Variants in ADCY8 observed in about 807,000 individuals in gnomAD.
The protein encoded by ADCY8 is adenylate cyclase 8.
ADCY8 carries 51 observed loss-of-function variants against 119.7 expected under a neutral mutation model. The observed-to-expected ratio is 0.43, with a 90% CI of 0.34 to 0.54. The LOEUF (loss-of-function observed/expected upper bound fraction) is 0.54. ADCY8 is among the 20% of genes least tolerant of loss of function. The probability of loss-of-function intolerance (pLI) is 0.03; values close to 1 mark genes in which losing one functional copy is unlikely to be tolerated. For missense variants in ADCY8, 1,383 were observed against 1,598.8 expected, an observed-to-expected ratio of 0.87 and a Z score of 2.30; for synonymous variants, 665 against 651.0, an observed-to-expected ratio of 1.02 and a Z score of -0.33.
chr8:130,793,539 G>C (rs919765185), intron 15 of ADCY8, among the ~76,000 whole-genome samples: 1 of 152,156 alleles, frequency 6.6e-6, no homozygotes, highest in South Asian at 2.1e-4. Context: ...ATGAGAACAG[G>C]ATTTATGCCT....
intron 2 of ADCY8, among the ~76,000 whole-genome samples, chr8:130,954,122 C>T (rs1013975955): frequency 4.6e-5 from 7 of 152,232 alleles, no homozygotes; most frequent in Admixed American, 2.6e-4. Context: ...TCCACACACA[C>T]TCCAGGACCC....
At chr8:130,789,268 G>T (rs1815351300) in intron 15 of ADCY8, among the ~76,000 whole-genome samples, 1 of 152,146 alleles carries the variant, frequency 6.6e-6, no homozygotes, top group Non-Finnish European at 1.5e-5. Flanking sequence ...TAATGGGCTG[G>T]CTAATCTCAA....
At chr8:130,824,397 G>T (rs1470880792) in intron 12 of ADCY8, among the ~76,000 whole-genome samples, 1 of 152,010 alleles carries the variant, frequency 6.6e-6, no homozygotes, top group Admixed American at 6.6e-5. Flanking sequence ...AACTTAATTA[G>T]CTAGCGAACA....
intron 5 of ADCY8, among the ~76,000 whole-genome samples, chr8:130,910,943 G>GCC (rs5895067): frequency 6.6e-6 from 1 of 151,850 alleles, no homozygotes; most frequent in Admixed American, 6.6e-5. Context: ...AACCTTCATT[G>GCC]CCCCCAAATG....
In ADCY8 at chr8:130,793,484, T is replaced by C. The variant is rs184271819; in HGVS notation, c.3060+6942A>G. ...GTCTATTGTACAACATATTTACTTG[T>C]TATTCTTTTTGATTGTTCTTCACCC... On this transcript the variant is annotated intron_variant, in intron 15 of 17. Transcript: ENST00000286355. Among the ~76,000 whole-genome samples the C allele has an allele frequency of 3.9e-5, 6 of 152,334 alleles. No homozygotes were observed. The East Asian group carries it at 1.2e-3, about 29-fold the overall frequency.
At chr8:130,822,546 C>G (rs1270327392) in intron 12 of ADCY8, among the ~76,000 whole-genome samples, 12 of 87,660 alleles carry the variant, frequency 1.4e-4, no homozygotes, top group East Asian at 1.1e-3. Context: ...ATCCATCCAT[C>G]CATCCATCCA....
intron 1 of ADCY8, among the ~76,000 whole-genome samples, chr8:131,025,686 A>T (rs1347086562): frequency 6.6e-6 from 1 of 152,180 alleles, no homozygotes; most frequent in Non-Finnish European, 1.5e-5. Flanking sequence ...TCTAGTCAGG[A>T]TTTTCCTTTT....
chr8:130,972,927 C>G (rs565003803), intron 2 of ADCY8, among the ~76,000 whole-genome samples: 72 of 151,888 alleles, frequency 4.7e-4, no homozygotes, highest in Non-Finnish European at 8.1e-4. Context: ...TAATTAGCCT[C>G]TCATGGAGTG....
At chr8:130,942,316 T>C (rs972860702) in intron 4 of ADCY8, among the ~76,000 whole-genome samples, 1 of 152,162 alleles carries the variant, frequency 6.6e-6, no homozygotes. Context: ...AGCTTAAGAG[T>C]CACTTTCTTC....
At position 130,990,541 on chromosome 8, in the gene ADCY8, A is replaced by G. The variant is rs776445529; in HGVS notation, c.962T>C (p.Val321Ala). Residue 321 changes from valine (V) to alanine (A), a missense_variant and splice_region_variant, in exon 2 of 18, where the codon GTT (valine) becomes GCT (alanine). Transcript: ENST00000286355. The stretch of plus-strand genomic sequence containing the variant: ...CATGAATAGCACTGCCTGGGCCACA[A>G]CCTAAAATAAACACAGTCTGGTCAG... ...PRLAVISINQ[V>A]VAQAVLFMCM... 1.2e-6 allele frequency: 2 copies of G among 1,613,326 alleles called. No homozygotes were observed. Among genetic ancestry groups the G allele is most frequent in the African/African-American group, 1.3e-5 (1 of 74,930 alleles).
At chr8:130,796,568 C>G (rs925498994) in intron 15 of ADCY8, among the ~76,000 whole-genome samples, 1 of 152,016 alleles carries the variant, frequency 6.6e-6, no homozygotes, top group South Asian at 2.1e-4. Context: ...TGGAACTCAG[C>G]CAGGCAGAAT....
At chr8:130,938,358 C>T (rs1820855885) in intron 4 of ADCY8, among the ~76,000 whole-genome samples, 1 of 152,126 alleles carries the variant, frequency 6.6e-6, no homozygotes, top group African/African-American at 2.4e-5. Context: ...AGTTGGACTC[C>T]AGGCCTAGCT....
intron 7 of ADCY8, 57 bp downstream of exon 7, chr8:130,903,715 G>T: frequency 1.9e-6 from 3 of 1,578,590 alleles, no homozygotes; most frequent in Non-Finnish European, 1.7e-6. Context: ...TGTCTGGATT[G>T]GAGATGCACA....
chr8:130,992,935 A>G (rs1253639349), intron 1 of ADCY8, among the ~76,000 whole-genome samples: 1 of 152,186 alleles, frequency 6.6e-6, no homozygotes, highest in African/African-American at 2.4e-5. Flanking sequence ...TTAACTGTGA[A>G]CAAAACTATT....
At chr8:130,850,667 T>C (rs1817494607) in intron 9 of ADCY8, among the ~76,000 whole-genome samples, 2 of 152,206 alleles carry the variant, frequency 1.3e-5, no homozygotes, top group East Asian at 3.9e-4. Context: ...AGGGAAATTT[T>C]ATATCTGCTC....
chr8:130,972,735 C>T (rs546274150), intron 2 of ADCY8, among the ~76,000 whole-genome samples: 1 of 152,242 alleles, frequency 6.6e-6, no homozygotes, highest in South Asian at 2.1e-4. Context: ...AACACATTTG[C>T]CACCCTGGTC....
intron 11 of ADCY8, among the ~76,000 whole-genome samples, chr8:130,837,330 C>G (rs935527212): frequency 6.6e-6 from 1 of 152,094 alleles, no homozygotes; most frequent in East Asian, 1.9e-4. Flanking sequence ...TTCTCTAAAC[C>G]CTTCTCCCAA....
At chr8:130,936,914 T>G (rs933637862) in intron 5 of ADCY8, among the ~76,000 whole-genome samples, 159 bp downstream of exon 5, 4 of 152,144 alleles carry the variant, frequency 2.6e-5, no homozygotes, top group African/African-American at 9.7e-5. Context: ...ACAGGTTCAT[T>G]GGTTTATATG....
At chr8:130,800,038 G>A (rs984166820) in intron 15 of ADCY8, among the ~76,000 whole-genome samples, 3 of 152,184 alleles carry the variant, frequency 2.0e-5, no homozygotes, top group African/African-American at 4.8e-5. Context: ...AATGCAAATG[G>A]ACAGTTTTAT....
Sources: gnomAD v4.1 joint callset for allele counts (sites outside exome capture counted in the v4.1 genomes callset) on GRCh38, gnomAD v4.1.1 for gene constraint, MANE v1.5 for transcripts, NCBI Gene and HGNC (gene_info 2026-07-23, HGNC 2026-07-21) for gene names.